Variants in PRKD1 observed in about 807,000 individuals in gnomAD.
The protein encoded by PRKD1 is serine/threonine-protein kinase D1.
Under a neutral mutation model 95.9 loss-of-function variants are expected in PRKD1, and 63 were observed. That is an observed-to-expected ratio of 0.66 (90% CI 0.54 to 0.81). PRKD1 has a LOEUF of 0.81. Among genes scored for constraint, PRKD1 ranks in the 30% least tolerant of loss-of-function variants. PRKD1 has a pLI of 0.00. For synonymous variants in PRKD1, 425 were observed against 423.1 expected (o/e 1.00, Z -0.05); for missense variants, 1,048 against 1,165.3 (o/e 0.90, Z 1.47).
intron 11 of PRKD1, among the ~76,000 whole-genome samples, chr14:29,627,340 G>A (rs1269802323): frequency 6.6e-6 from 1 of 152,188 alleles, no homozygotes; most frequent in East Asian, 1.9e-4. Context: ...TGACAGAAGA[G>A]GAGGCTGAAT....
chr14:29,643,269 GA>G (rs138708401), intron 4 of PRKD1, among the ~76,000 whole-genome samples: 3,386 of 152,176 alleles, frequency 0.022, 111 homozygotes, highest in African/African-American at 0.072. Flanking sequence ...TTTTGTGTTA[GA>G]AGTGTAAGAG....
chr14:29,815,121 T>TA (rs1357153351), intron 1 of PRKD1, among the ~76,000 whole-genome samples: 1 of 152,094 alleles, frequency 6.6e-6, no homozygotes, highest in East Asian at 1.9e-4. Flanking sequence ...AAAGCCTTCT[T>TA]AAAAAAGTGC....
At chr14:29,914,858 C>T (rs930123985) in intron 1 of PRKD1, among the ~76,000 whole-genome samples, 8 of 151,804 alleles carry the variant, frequency 5.3e-5, no homozygotes, top group Non-Finnish European at 7.4e-5. Flanking sequence ...CTGCAAGCTC[C>T]GCCTCCCGGG....
intron 1 of PRKD1, among the ~76,000 whole-genome samples, chr14:29,826,866 T>C (rs1415233564): frequency 9.6e-6 from 1 of 104,114 alleles, no homozygotes; most frequent in Non-Finnish European, 1.9e-5. Context: ...TATATATATA[T>C]ATATATATAT....
chr14:29,914,051 T>G (rs1894808777), intron 1 of PRKD1, among the ~76,000 whole-genome samples: 1 of 152,262 alleles, frequency 6.6e-6, no homozygotes, highest in African/African-American at 2.4e-5. Flanking sequence ...TACTGTATGC[T>G]ATGCAGTACT....
At chr14:29,835,631 C>T (rs187235697) in intron 1 of PRKD1, among the ~76,000 whole-genome samples, 11 of 152,160 alleles carry the variant, frequency 7.2e-5, no homozygotes, top group Admixed American at 2.6e-4. Context: ...AGTGCAGTGG[C>T]GCGATCTTGG....
At chr14:29,653,439 TTAG>T (rs1158645251) in intron 4 of PRKD1, among the ~76,000 whole-genome samples, 4 of 152,066 alleles carry the variant, frequency 2.6e-5, no homozygotes, top group African/African-American at 9.7e-5. Flanking sequence ...TAAGATAACT[TTAG>T]TAAAGTTATT....
At chr14:29,866,222 T>C (rs550808910) in intron 1 of PRKD1, among the ~76,000 whole-genome samples, 1 of 152,182 alleles carries the variant, frequency 6.6e-6, no homozygotes, top group Admixed American at 6.5e-5. Flanking sequence ...ATACCTTAAC[T>C]ATGCCATTTA....
intron 2 of PRKD1, among the ~76,000 whole-genome samples, chr14:29,703,611 A>G (rs1332942638): frequency 2.0e-5 from 3 of 152,232 alleles, no homozygotes; most frequent in Non-Finnish European, 4.4e-5. Context: ...ACTGGAGAGT[A>G]GAAAAGGAAG....
intron 2 of PRKD1, among the ~76,000 whole-genome samples, chr14:29,702,551 T>C (rs1303516472): frequency 6.6e-6 from 1 of 152,022 alleles, no homozygotes; most frequent in African/African-American, 2.4e-5. Context: ...AATGATCATA[T>C]TGTTTTCTTT....
Position 29,773,651 on chromosome 14 carries a change from T to C in PRKD1, c.265-47977A>G, listed in dbSNP as rs559623314. On this transcript the variant is annotated intron_variant, in intron 1 of 17. Transcript: ENST00000331968. ...ATAATCTCATACAATCCAATCTTATTTGATACAATATTTCTACAGAAAAGA... is the reference window on the plus strand; with the variant it reads ...ATAATCTCATACAATCCAATCTTATCTGATACAATATTTCTACAGAAAAGA... 2.6e-5 allele frequency among the ~76,000 whole-genome samples: 4 copies of C among 152,288 alleles called. No individual in the cohort carries two copies. The East Asian group carries it at 5.8e-4, about 22-fold the overall frequency.
chr14:29,876,026 T>C (rs572287829), intron 1 of PRKD1, among the ~76,000 whole-genome samples: 2 of 152,298 alleles, frequency 1.3e-5, no homozygotes, highest in South Asian at 4.1e-4. Context: ...AACCAAGAGA[T>C]ACATACCATG....
chr14:29,816,127 A>G (rs1890683528), intron 1 of PRKD1, among the ~76,000 whole-genome samples: 1 of 152,178 alleles, frequency 6.6e-6, no homozygotes, highest in South Asian at 2.1e-4. Flanking sequence ...CTGAGGCAGA[A>G]GAGTCACTTG....
Position 29,597,893 on chromosome 14 carries a change from TA to T in PRKD1, c.2167-136del. 5.3e-6 allele frequency: 5 copies of T among 942,156 alleles called. No individual in the cohort carries two copies. In the South Asian group the frequency reaches 9.4e-5, roughly 18 times the overall value. 58.4% of individuals were successfully genotyped at this position (942,156 alleles called of 1,614,324 possible). On this transcript the variant is annotated intron_variant, in intron 15 of 17. Transcript: ENST00000331968. ...ATTAAATGATATGGATTTCTTAAAG[TA>T]ATAGCTATTTTCCATTTTAGGTATT... is the stretch of plus-strand genomic sequence containing the variant.
chr14:29,632,882 C>T lies in PRKD1; in HGVS notation c.1379G>A (p.Ser460Asn). The change falls in exon 9 of 18, where the codon AGC (serine) becomes AAC (asparagine). Residue 460 changes from serine to asparagine, a missense_variant. Physicochemically the swap from Ser to Asn is conservative, Grantham distance 46. This residue lies in a region of PRKD1 where 739 missense variants were observed against 861.9 expected (regional missense o/e 0.86). Coordinates refer to ENST00000331968, the MANE Select transcript of PRKD1 (RefSeq NM_002742.3). ...GCCCACTCTTACCTTGTAGTACCTGCTTCCTGTGTCATTCTGAAAGAGGGT... is the reference window on the plus strand; with the variant it reads ...GCCCACTCTTACCTTGTAGTACCTGTTTCCTGTGTCATTCTGAAAGAGGGT... ...CITLFQNDTG[S>N]RYYKEIPLSE... The T allele has an allele frequency of 6.2e-7, 1 of 1,612,614 alleles. No homozygotes were observed. The highest frequency in any genetic ancestry group is 8.5e-7 in the Non-Finnish European group (1 of 1,178,630).
intron 1 of PRKD1, among the ~76,000 whole-genome samples, chr14:29,806,512 G>A (rs1363013037): frequency 6.6e-6 from 1 of 152,098 alleles, no homozygotes; most frequent in Admixed American, 6.6e-5. Flanking sequence ...TCAGAAAACA[G>A]CCAGCGCATC....
intron 13 of PRKD1, among the ~76,000 whole-genome samples, chr14:29,602,208 A>C (rs1007652386): frequency 6.6e-5 from 10 of 152,008 alleles, no homozygotes; most frequent in South Asian, 4.1e-4. Flanking sequence ...CAGACGAAAA[A>C]CTAGTAGGAA....
intron 1 of PRKD1, among the ~76,000 whole-genome samples, chr14:29,911,832 G>T (rs1894724706): frequency 6.6e-6 from 1 of 152,176 alleles, no homozygotes; most frequent in Admixed American, 6.5e-5. Flanking sequence ...CTTCTGGAAG[G>T]AAGAAATCTT....
intron 1 of PRKD1, among the ~76,000 whole-genome samples, chr14:29,796,534 C>A (rs1042335234): frequency 6.6e-6 from 1 of 152,066 alleles, no homozygotes; most frequent in Non-Finnish European, 1.5e-5. Flanking sequence ...TGTCATGAGA[C>A]TGAATGAGAT....
Sources: gnomAD v4.1 joint callset for allele counts (sites outside exome capture counted in the v4.1 genomes callset) on GRCh38, gnomAD v4.1.1 for gene constraint, gnomAD v4.1.1 regional missense constraint, MANE v1.5 for transcripts, NCBI Gene and HGNC (gene_info 2026-07-23, HGNC 2026-07-21) for gene names.